Variants in WDPCP observed in about 807,000 individuals in gnomAD.
WDPCP encodes the protein WD repeat containing planar cell polarity effector.
A neutral mutation model predicts 93.1 loss-of-function variants in WDPCP; 71 were observed. The ratio of observed to expected loss-of-function variants is 0.76; its 90% CI spans 0.63 to 0.93. The LOEUF (loss-of-function observed/expected upper bound fraction) is 0.93, where lower values mean the gene tolerates loss of function less well. Ranked by LOEUF, WDPCP falls within the 40% of genes least tolerant of loss-of-function variation. The pLI is 0.00. For missense variants in WDPCP, 844 were observed against 887.4 expected (o/e 0.95, Z 0.62); for synonymous variants, 315 against 315.0 (o/e 1.00, Z 0.00).
chr2:63,597,802 C>T (rs1056792969), intron 3 of WDPCP: 5 of 311,786 alleles, frequency 1.6e-5, no homozygotes, highest in Non-Finnish European at 2.3e-5. Flanking sequence ...ATTAGTATAA[C>T]GTGAAAATTT....
At chr2:63,808,423 G>A (rs1266135307) in intron 2 of WDPCP, among the ~76,000 whole-genome samples, 1 of 148,502 alleles carries the variant, frequency 6.7e-6, no homozygotes, top group Non-Finnish European at 1.5e-5. Flanking sequence ...TGCCATCTCG[G>A]CTCACTGCAG....
At chr2:63,288,670 C>G (rs187116072) in intron 13 of WDPCP, among the ~76,000 whole-genome samples, 1 of 152,312 alleles carries the variant, frequency 6.6e-6, no homozygotes, top group African/African-American at 2.4e-5. Flanking sequence ...TAACCACAAT[C>G]AAACCAATAA....
rs372519269 is a variant in WDPCP at position 63,788,062 on chromosome 2, A to T, written n.308+25560T>A. Among the ~76,000 whole-genome samples the T allele has an allele frequency of 3.9e-5, 6 of 152,046 alleles. No individual in the cohort carries two copies. The East Asian group carries it at 1.2e-3, about 29-fold the overall frequency. On this transcript the variant is annotated intron_variant and non_coding_transcript_variant, in intron 2 of 4. Coordinates refer to the WDPCP transcript ENST00000467687. ...TCTCAAAAAATAAAATAAAATAAAT[A>T]AAATAAAATAAAAAATGAGTCCAAT... is the stretch of plus-strand genomic sequence containing the variant.
chr2:63,670,882 GA>G (rs964096752), intron 2 of WDPCP, among the ~76,000 whole-genome samples: 6 of 151,322 alleles, frequency 4.0e-5, no homozygotes, highest in African/African-American at 1.5e-4. Flanking sequence ...TGAAAGAGAG[GA>G]AAAAAAAGTA....
chr2:63,147,539 A>G (rs1671599950), intron 17 of WDPCP, among the ~76,000 whole-genome samples: 1 of 152,198 alleles, frequency 6.6e-6, no homozygotes, highest in Non-Finnish European at 1.5e-5. Context: ...TGTTTTGGAT[A>G]TTATCTAGTC....
chr2:63,523,329 G>A (rs1703080820), intron 1 of WDPCP, among the ~76,000 whole-genome samples: 1 of 152,134 alleles, frequency 6.6e-6, no homozygotes, highest in Non-Finnish European at 1.5e-5. Flanking sequence ...GGCCATTTAT[G>A]ACAAACCCAC....
chr2:63,650,430 A>G (rs1190438856), intron 3 of WDPCP, among the ~76,000 whole-genome samples: 1 of 152,246 alleles, frequency 6.6e-6, no homozygotes, highest in East Asian at 1.9e-4. Context: ...GGTGGTCCCC[A>G]CTATCATTCC....
intron 3 of WDPCP, chr2:63,622,909 G>C (rs1709762746): frequency 3.2e-6 from 4 of 1,257,348 alleles, no homozygotes; most frequent in Non-Finnish European, 4.5e-6. Context: ...GGCCGGGCCA[G>C]GCCGGGGCTC....
chr2:63,170,527 C>T (rs568078844), intron 15 of WDPCP, among the ~76,000 whole-genome samples: 19 of 152,240 alleles, frequency 1.2e-4, no homozygotes, highest in Non-Finnish European at 2.5e-4. Flanking sequence ...CCTCAGCCTC[C>T]CAAAGTGCTG....
At chr2:63,245,924 T>G (rs962895484) in intron 14 of WDPCP, among the ~76,000 whole-genome samples, 1 of 152,154 alleles carries the variant, frequency 6.6e-6, no homozygotes, top group African/African-American at 2.4e-5. Flanking sequence ...CAATTCTGCT[T>G]TCTTAGTTGT....
chr2:63,443,831 T>C (rs1256258149), intron 6 of WDPCP, among the ~76,000 whole-genome samples: 7 of 152,156 alleles, frequency 4.6e-5, no homozygotes, highest in Admixed American at 4.6e-4. Context: ...AAAAATTGAA[T>C]GTGGCACATG....
chr2:63,448,437 A>AACAC (rs35247066), intron 6 of WDPCP, among the ~76,000 whole-genome samples: 2,305 of 148,766 alleles, frequency 0.015, 67 homozygotes, highest in African/African-American at 0.054. Context: ...AAAATACATC[A>AACAC]ACACACACAC....
At chr2:63,345,965 C>G (rs1055906793) in intron 12 of WDPCP, among the ~76,000 whole-genome samples, 2 of 152,106 alleles carry the variant, frequency 1.3e-5, no homozygotes, top group African/African-American at 2.4e-5. Flanking sequence ...GACTATACAA[C>G]TAAAGAGTTG....
At chr2:63,790,163 C>T (rs1670525892) in intron 2 of WDPCP, among the ~76,000 whole-genome samples, 1 of 152,168 alleles carries the variant, frequency 6.6e-6, no homozygotes, top group Non-Finnish European at 1.5e-5. Flanking sequence ...GATCTAGAGC[C>T]ACCCATCAGA....
intron 10 of WDPCP, among the ~76,000 whole-genome samples, chr2:63,398,355 T>G (rs950039218): frequency 6.6e-6 from 1 of 152,220 alleles, no homozygotes; most frequent in African/African-American, 2.4e-5. Context: ...AAATATGTTA[T>G]AATTATTGCC....
chr2:63,429,356 T>G (rs1371891805), intron 9 of WDPCP, among the ~76,000 whole-genome samples: 2 of 151,998 alleles, frequency 1.3e-5, no homozygotes, highest in African/African-American at 4.8e-5. Context: ...CTAATTAAAC[T>G]AAAGAGCTTC....
intron 13 of WDPCP, among the ~76,000 whole-genome samples, chr2:63,307,075 A>G (rs1175420460): frequency 1.3e-5 from 2 of 152,236 alleles, no homozygotes; most frequent in Non-Finnish European, 2.9e-5. Flanking sequence ...TGCAAAAATC[A>G]CAAGCATTCT....
chr2:63,238,639 G>A (rs1679607788), intron 14 of WDPCP, among the ~76,000 whole-genome samples: 1 of 152,090 alleles, frequency 6.6e-6, no homozygotes, highest in South Asian at 2.1e-4. Context: ...TGCTACACAG[G>A]TTTAAAGACA....
chr2:63,183,355 T>C (rs551806542), intron 14 of WDPCP, among the ~76,000 whole-genome samples: 2 of 152,204 alleles, frequency 1.3e-5, no homozygotes, highest in East Asian at 3.9e-4. Flanking sequence ...CTAAAAATTT[T>C]TAAGTTTCCA....
Sources: allele counts gnomAD v4.1 joint callset (sites outside exome capture counted in the v4.1 genomes callset), GRCh38; gene constraint gnomAD v4.1.1; transcripts MANE v1.5; gene names NCBI Gene and HGNC (gene_info 2026-07-23, HGNC 2026-07-21).